The following GSE1 variants were observed in gnomAD, a reference collection of about 807,000 sequenced individuals.
GSE1 encodes the protein Gse1 coiled-coil protein, also known as genetic suppressor element 1.
In GSE1, 32 loss-of-function variants were observed where a neutral mutation model predicts 112.6. That is an observed-to-expected ratio of 0.28 (90% CI 0.21 to 0.38). The LOEUF is 0.38. Among genes scored for constraint, GSE1 ranks in the 10% least tolerant of loss-of-function variants. The pLI is 1.00. For missense variants in GSE1, 2,348 were observed against 1,699.2 expected (o/e 1.38, Z -6.71); for synonymous variants, 1,115 against 735.6 (o/e 1.52, Z -8.35).
intron 1 of GSE1, among the ~76,000 whole-genome samples, chr16:85,207,373 A>G (rs1444467718): frequency 1.3e-5 from 2 of 152,230 alleles, no homozygotes; most frequent in South Asian, 2.1e-4. Flanking sequence ...GCCGCCAGCC[A>G]TCCCCATCAC....
rs2053570769 is a variant in GSE1, at chr16:85,674,437, A to AGACC, written c.*1901_*1902insCGAC. Reference sequence around the variant, plus strand: ...GCTGTGCTGCAGGCCTCCCCTCGAAAGACACTGGGAGGTCAGCATGTTCCA... The same window carrying AGACC: ...GCTGTGCTGCAGGCCTCCCCTCGAAAGACCGACACTGGGAGGTCAGCATGTTCCA... On this transcript the variant is annotated 3_prime_UTR_variant, in exon 16 of 16. Transcript: ENST00000253458. 1 of 136,318 alleles carries AGACC rather than the reference A, an allele frequency of 7.3e-6. No individual in the cohort carries two copies. The highest frequency in any genetic ancestry group is 2.5e-4 in the South Asian group (1 of 3,964). The allele number at this position is 136,318 out of a possible 1,614,324, so 8.4% of individuals were successfully genotyped here.
At chr16:85,206,089 G>A (rs1031581090) in intron 1 of GSE1, among the ~76,000 whole-genome samples, 6 of 152,104 alleles carry the variant, frequency 3.9e-5, no homozygotes, top group Admixed American at 3.9e-4. Flanking sequence ...TGACTTCCCT[G>A]GGGAGGCCGG....
chr16:85,663,269 G>C (rs1468451159), intron 10 of GSE1, 75 bp from the exon 11 acceptor site: 1 of 1,536,312 alleles, frequency 6.5e-7, no homozygotes, highest in African/African-American at 1.4e-5. Context: ...GAGGACCCCA[G>C]GAGGGGACCC....
chr16:85,198,100 C>T (rs56135568), intron 1 of GSE1, among the ~76,000 whole-genome samples: 8,769 of 152,184 alleles, frequency 0.058, 374 homozygotes, highest in Non-Finnish European at 0.084. Flanking sequence ...GTCCTCACAC[C>T]TCAGGCTGGG....
intron 2 of GSE1, among the ~76,000 whole-genome samples, chr16:85,407,929 A>AG (rs571284358): frequency 2.9e-4 from 12 of 41,470 alleles, no homozygotes; most frequent in South Asian, 1.1e-3. Flanking sequence ...CGTTACTCTC[A>AG]GGCCCCCCTG....
chr16:85,356,829 G>A (rs1450090773), intron 1 of GSE1, among the ~76,000 whole-genome samples: 1 of 152,152 alleles, frequency 6.6e-6, no homozygotes, highest in African/African-American at 2.4e-5. Context: ...AGGCACTCCA[G>A]TTGCTCAGAG....
upstream of GSE1, among the ~76,000 whole-genome samples, chr16:85,609,751 C>T (rs1016234100): frequency 2.0e-5 from 3 of 152,108 alleles, no homozygotes; most frequent in African/African-American, 4.8e-5. Context: ...GCCTCCTGGG[C>T]TCAAGGGATC....
chr16:85,193,040 C>A (rs1344625596), intron 1 of GSE1, among the ~76,000 whole-genome samples: 1 of 152,200 alleles, frequency 6.6e-6, no homozygotes. Flanking sequence ...TCTGGCACAT[C>A]TTGGTAAGGC....
At chr16:85,230,590 G>C (rs761348619) in intron 1 of GSE1, among the ~76,000 whole-genome samples, 2 of 152,144 alleles carry the variant, frequency 1.3e-5, no homozygotes, top group African/African-American at 2.4e-5. Context: ...GGCTCTCCTC[G>C]CATGCTGTCG....
At chr16:85,446,575 G>C (rs911271385) in intron 2 of GSE1, among the ~76,000 whole-genome samples, 1 of 152,196 alleles carries the variant, frequency 6.6e-6, no homozygotes, top group African/African-American at 2.4e-5. Flanking sequence ...GACGGCAGCA[G>C]GAGTGGAGAG....
chr16:85,309,710 G>C (rs1207028278), intron 1 of GSE1, among the ~76,000 whole-genome samples: 1 of 152,238 alleles, frequency 6.6e-6, no homozygotes, highest in African/African-American at 2.4e-5. Flanking sequence ...CTCAGCTGCT[G>C]TCTGAGCTGG....
chr16:85,448,215 AGC>A (rs1190407339), intron 2 of GSE1, among the ~76,000 whole-genome samples: 7 of 152,186 alleles, frequency 4.6e-5, no homozygotes, highest in African/African-American at 1.7e-4. Context: ...TTTGTGTTCC[AGC>A]TGCCCAGGAG....
chr16:85,208,975 T>G (rs2075172889), intron 1 of GSE1, among the ~76,000 whole-genome samples: 1 of 150,484 alleles, frequency 6.6e-6, no homozygotes, highest in Non-Finnish European at 1.5e-5. Context: ...TGTGTTGGGG[T>G]TTGCCACTTG....
chr16:85,482,798 C>G (rs546985655), intron 2 of GSE1, among the ~76,000 whole-genome samples: 1 of 152,018 alleles, frequency 6.6e-6, no homozygotes, highest in Non-Finnish European at 1.5e-5. Flanking sequence ...ACCAACATGG[C>G]GAAACCCTGT....
intron 2 of GSE1, among the ~76,000 whole-genome samples, chr16:85,483,316 C>T (rs530923983): frequency 6.6e-5 from 10 of 152,242 alleles, no homozygotes; most frequent in Non-Finnish European, 1.5e-4. Flanking sequence ...CATGGGAGAG[C>T]GAGAACAGAA....
intron 1 of GSE1, among the ~76,000 whole-genome samples, chr16:85,347,215 G>T (rs2046761575): frequency 6.6e-6 from 1 of 152,108 alleles, no homozygotes; most frequent in Non-Finnish European, 1.5e-5. Context: ...GAATACCTCT[G>T]GGGCTGGGAG....
intron 2 of GSE1, among the ~76,000 whole-genome samples, chr16:85,506,856 G>A (rs2051552403): frequency 6.6e-6 from 1 of 152,086 alleles, no homozygotes; most frequent in African/African-American, 2.4e-5. Context: ...GCTTAGTGAG[G>A]GGACAGTGCC....
rs151318324 is a variant in GSE1 at position 85,590,300 on chromosome 16, G to C, written c.37+33937G>C. On this transcript the variant is annotated intron_variant, in intron 1 of 2. Transcript: ENST00000635906. ...TGTGAACATGTGTGACTGTGTGTGTGAACGCATGGGCCCATGTGTGAATGT... is the reference window on the plus strand; with the variant it reads ...TGTGAACATGTGTGACTGTGTGTGTCAACGCATGGGCCCATGTGTGAATGT... Among the ~76,000 whole-genome samples the C allele has an allele frequency of 1.2e-3, 184 of 151,298 alleles. 1 individual carries two copies. Among genetic ancestry groups the C allele is most frequent in the African/African-American group, 4.4e-3 (180 of 41,136 alleles).
intron 2 of GSE1, among the ~76,000 whole-genome samples, chr16:85,459,276 C>T (rs731957): frequency 0.67 from 101,841 of 152,128 alleles, 37,385 homozygotes; most frequent in Non-Finnish European, 0.82. Flanking sequence ...GTGGGTGCCC[C>T]TCCACAGAGC....
Sources: allele counts gnomAD v4.1 joint callset (sites outside exome capture counted in the v4.1 genomes callset), GRCh38; gene constraint gnomAD v4.1.1; transcripts MANE v1.5; gene names NCBI Gene and HGNC (gene_info 2026-07-23, HGNC 2026-07-21).